Variants in WDR26 observed in about 807,000 individuals in gnomAD.
The protein encoded by WDR26 is WD repeat-containing protein 26.
In WDR26, 5 loss-of-function variants were observed where a neutral mutation model predicts 84.1. The observed-to-expected ratio is 0.06, with a 90% CI of 0.03 to 0.13. The LOEUF (loss-of-function observed/expected upper bound fraction) is 0.13, where lower values mean the gene tolerates loss of function less well. Ranked by LOEUF, WDR26 falls within the 10% of genes least tolerant of loss-of-function variation. The pLI is 1.00. For missense variants in WDR26, 642 were observed against 974.9 expected (o/e 0.66, Z 4.55); for synonymous variants, 415 against 389.6 (o/e 1.07, Z -0.77).
intron 6 of WDR26, 132 bp downstream of exon 6, chr1:224,418,128 C>A: frequency 1.5e-6 from 1 of 675,660 alleles, no homozygotes; most frequent in Non-Finnish European, 2.2e-6. Flanking sequence ...TTCATAGTTC[C>A]AGCTTTACTC....
chr1:224,428,634 C>T (rs1014815784), intron 3 of WDR26, among the ~76,000 whole-genome samples: 4 of 152,012 alleles, frequency 2.6e-5, no homozygotes, highest in African/African-American at 4.8e-5. Flanking sequence ...CGGTGGCTCA[C>T]GCCTATAATC....
intron 4 of WDR26, among the ~76,000 whole-genome samples, chr1:224,422,952 A>G (rs1674108223): frequency 6.6e-6 from 1 of 152,240 alleles, no homozygotes; most frequent in Non-Finnish European, 1.5e-5. Context: ...ATCTTGCGAT[A>G]TACTGGAAGT....
chr1:224,423,085 A>T (rs1245639806), intron 4 of WDR26, among the ~76,000 whole-genome samples: 1 of 152,202 alleles, frequency 6.6e-6, no homozygotes, highest in Non-Finnish European at 1.5e-5. Flanking sequence ...AAATACCATT[A>T]TTCTTGTGTA....
At chr1:224,406,958 C>T (rs1463801971) in intron 7 of WDR26, among the ~76,000 whole-genome samples, 1 of 149,856 alleles carries the variant, frequency 6.7e-6, no homozygotes, top group Non-Finnish European at 1.5e-5. Flanking sequence ...CCTGTCTCTA[C>T]TAAAAATACA....
intron 6 of WDR26, among the ~76,000 whole-genome samples, chr1:224,414,345 A>ATC (rs1673831049): frequency 6.6e-6 from 1 of 151,834 alleles, no homozygotes; most frequent in African/African-American, 2.4e-5. Flanking sequence ...GGCTCAAGTG[A>ATC]TCTCCCCACC....
chr1:224,418,369 G>C lies in WDR26; in HGVS notation c.1210C>G (p.Leu404Val), dbSNP rs1237631386. Residue 404 changes from leucine (L) to valine (V), a missense_variant, in exon 6 of 14, where the codon CTC becomes GTC. Leu to Val is a conservative substitution (Grantham distance 32, BLOSUM62 1). Coordinates refer to ENST00000414423, the MANE Select transcript of WDR26 (RefSeq NM_001379403.1). ...TGTAGTTCCACCGCCTGCCGCAGGA[G>C]AGTCTGTAAACGCCGTGGGGGAAGC... 1 of 1,613,690 alleles carries C rather than the reference G, an allele frequency of 6.2e-7. No homozygotes were observed. Among genetic ancestry groups the C allele is most frequent in the East Asian group, 2.2e-5 (1 of 44,842 alleles).
At chr1:224,394,833 G>T (rs966888933) in intron 12 of WDR26, among the ~76,000 whole-genome samples, 1 of 152,126 alleles carries the variant, frequency 6.6e-6, no homozygotes, top group Non-Finnish European at 1.5e-5. Context: ...ATAGGTTATG[G>T]TTAAGTGGTC....
intron 4 of WDR26, among the ~76,000 whole-genome samples, chr1:224,422,864 GCCATA>G (rs1223086881): frequency 1.3e-5 from 2 of 152,118 alleles, no homozygotes; most frequent in Non-Finnish European, 2.9e-5. Flanking sequence ...TTAGAATTAG[GCCATA>G]CATGTCAAAG....
At chr1:224,393,753 A>G in intron 13 of WDR26, 75 bp downstream of exon 13, 1 of 1,278,110 alleles carries the variant, frequency 7.8e-7, no homozygotes, top group Non-Finnish European at 1.1e-6. Context: ...CTTGCTTAAA[A>G]CTGCTTTAAG....
chr1:224,421,350 T>C (rs919444549), intron 4 of WDR26, among the ~76,000 whole-genome samples: 3 of 152,088 alleles, frequency 2.0e-5, no homozygotes, highest in Non-Finnish European at 2.9e-5. Context: ...CTTTGGGAGA[T>C]GAGGCAGGAG....
At chr1:224,409,060 A>G (rs1436239729) in intron 7 of WDR26, among the ~76,000 whole-genome samples, 1 of 152,140 alleles carries the variant, frequency 6.6e-6, no homozygotes, top group Non-Finnish European at 1.5e-5. Flanking sequence ...ACAGGGTAGT[A>G]TATTAGGTAG....
In WDR26 at chr1:224,419,389, G is replaced by A. The variant is rs939175324; in HGVS notation, c.1162+129C>T. ...ACTCCATGACAGAGTCTGAAAAACT[G>A]GATTCTCCCTCTTCTAAGCACTCAA... On this transcript the variant is annotated intron_variant, in intron 5 of 13. Coordinates refer to ENST00000414423, the MANE Select transcript of WDR26 (RefSeq NM_001379403.1). 5 of 722,748 alleles carry A rather than the reference G, an allele frequency of 6.9e-6. No homozygotes were observed. In the Admixed American group the frequency reaches 7.3e-5, roughly 10 times the overall value. 44.8% of individuals were successfully genotyped at this position (722,748 alleles called of 1,614,324 possible). A position where few individuals can be genotyped will look rare whatever the true frequency, so the allele number is the denominator to read the frequency against.
At chr1:224,433,137 T>C (rs1312263084) in intron 1 of WDR26, among the ~76,000 whole-genome samples, 3 of 152,176 alleles carry the variant, frequency 2.0e-5, no homozygotes, top group Non-Finnish European at 4.4e-5. Context: ...TCTTTCCAAA[T>C]GATCCCAGCC....
At chr1:224,413,186 C>G (rs530981621) in intron 6 of WDR26, 1 of 767,672 alleles carries the variant, frequency 1.3e-6, no homozygotes, top group Non-Finnish European at 1.7e-6. Context: ...GAGATAGTCT[C>G]AAACAACAAC....
chr1:224,392,198 A>G (rs1448901061), intron 13 of WDR26, among the ~76,000 whole-genome samples: 1 of 152,072 alleles, frequency 6.6e-6, no homozygotes, highest in African/African-American at 2.4e-5. Flanking sequence ...CGTCTCTACT[A>G]AAAATACAAA....
At position 224,386,156 on chromosome 1, in the gene WDR26, T is replaced by A. The variant is rs992296004; in HGVS notation, c.*3679A>T. 3 of 152,618 alleles carry A rather than the reference T, an allele frequency of 2.0e-5. No homozygotes were observed. The highest frequency in any genetic ancestry group is 7.2e-5 in the African/African-American group (3 of 41,456). The allele number at this position is 152,618 out of a possible 1,614,324, so 9.5% of individuals were successfully genotyped here. A position where few individuals can be genotyped will look rare whatever the true frequency, so the allele number is the denominator to read the frequency against. On this transcript the variant is annotated 3_prime_UTR_variant, in exon 14 of 14. Transcript: ENST00000414423. ...AAGTTCACCCTGTTTTTAGAAAGTG[T>A]CTAAGTGTAAATGCAAATTCACCTC...
intron 8 of WDR26, among the ~76,000 whole-genome samples, chr1:224,401,671 C>CAAAAAAAAAAAAAAAA (rs767368281): frequency 2.6e-4 from 13 of 49,636 alleles, no homozygotes; most frequent in Admixed American, 6.3e-4. Flanking sequence ...GAGACTGTCT[C>CAAAAAAAAAAAAAAAA]AAAAAAAAAA....
At chr1:224,410,791 C>A (rs963202070) in intron 7 of WDR26, among the ~76,000 whole-genome samples, 3 of 151,006 alleles carry the variant, frequency 2.0e-5, no homozygotes, top group African/African-American at 7.3e-5. Context: ...CTCCACCTCC[C>A]GGGCTCAAGT....
At chr1:224,412,828 A>G (rs1174656627) in intron 6 of WDR26, 3 of 152,228 alleles carry the variant, frequency 2.0e-5, no homozygotes, top group Non-Finnish European at 2.9e-5. Context: ...AAATGGACAC[A>G]TGTAGTTAGT....
Sources: allele counts gnomAD v4.1 joint callset (sites outside exome capture counted in the v4.1 genomes callset), GRCh38; gene constraint gnomAD v4.1.1; transcripts MANE v1.5; gene names NCBI Gene and HGNC (gene_info 2026-07-23, HGNC 2026-07-21).